The following ZSWIM8 variants were observed in gnomAD, a reference collection of about 807,000 sequenced individuals.
The protein encoded by ZSWIM8 is zinc finger SWIM-type containing 8.
In ZSWIM8, 27 loss-of-function variants were observed where a neutral mutation model predicts 173.7. The ratio of observed to expected loss-of-function variants is 0.16; its 90% CI spans 0.11 to 0.21. The LOEUF is 0.21. Ranked by LOEUF, ZSWIM8 falls within the 10% of genes least tolerant of loss-of-function variation. The probability of loss-of-function intolerance (pLI) is 1.00; values close to 1 mark genes in which losing one functional copy is unlikely to be tolerated. For synonymous variants in ZSWIM8, 958 were observed against 962.0 expected (o/e 1.00, Z 0.08); for missense variants, 1,627 against 2,428.8 (o/e 0.67, Z 6.94).
Position 73,800,797 on chromosome 10 carries a change from C to T in ZSWIM8, c.5122+38C>T, listed in dbSNP as rs569098534. The T allele has an allele frequency of 8.9e-6, 13 of 1,457,020 alleles. No homozygotes were observed. In the Admixed American group the frequency reaches 2.2e-4, roughly 24 times the overall value. 90.3% of individuals were successfully genotyped at this position (1,457,020 alleles called of 1,614,324 possible). On this transcript the variant is annotated intron_variant, in intron 24 of 25. Transcript: ENST00000604729. The surrounding 1 kb of genome is among the most constrained non-coding windows in gnomAD (Gnocchi z 4.1). ...CTCCCTAGGACCATTGCCCCCCCCC[C>T]ACCTGCTCTCCCCACCTTCCTTATC...
chr10:73,794,394 C>A (rs1023813853), intron 13 of ZSWIM8, 64 bp downstream of exon 13: 2 of 1,576,620 alleles, frequency 1.3e-6, no homozygotes, highest in Non-Finnish European at 1.7e-6. Flanking sequence ...CTAAGAAAGA[C>A]CAAGAGCCCC....
At chr10:73,799,757 C>A in intron 21 of ZSWIM8, 2 of 628,102 alleles carry the variant, frequency 3.2e-6, no homozygotes, top group Non-Finnish European at 5.5e-6. Flanking sequence ...ATGGGGAAAC[C>A]CCGTCTCTAC....
rs753772206 is a variant in ZSWIM8, at chr10:73,790,302, A to G, written c.941+10A>G. ...CCCCTGTGGTCTTCAGGTAAATCGG[A>G]TCTCTGCATACCTGTGTCTGTGGTG... On this transcript the variant is annotated intron_variant, in intron 7 of 25. Transcript: ENST00000604729. 1.2e-5 allele frequency: 19 copies of G among 1,597,162 alleles called. No individual in the cohort carries two copies. Among genetic ancestry groups the G allele is most frequent in the Admixed American group, 1.7e-5 (1 of 58,082 alleles).
intron 21 of ZSWIM8, 90 bp from the exon 22 acceptor site, chr10:73,799,918 AAAC>A (rs1589596910): frequency 1.4e-6 from 2 of 1,383,026 alleles, no homozygotes; most frequent in East Asian, 4.6e-5. Context: ...ATCTCAAAAA[AAAC>A]ATGTCAGGAT....
rs1046855998 is a variant in ZSWIM8, at chr10:73,791,649, A to C, written c.1319+150A>C. 1.7e-6 allele frequency: 2 copies of C among 1,172,288 alleles called. No homozygotes were observed. Among genetic ancestry groups the C allele is most frequent in the Non-Finnish European group, 2.3e-6 (2 of 862,152 alleles). The allele number at this position is 1,172,288 out of a possible 1,614,324, so 72.6% of individuals were successfully genotyped here. Reference sequence around the variant, plus strand: ...GCACTGGTGTTAGCAGTGATTTACGAGTCCTTTTTCTGAGAGGCTTTCATC... The same window carrying C: ...GCACTGGTGTTAGCAGTGATTTACGCGTCCTTTTTCTGAGAGGCTTTCATC... On this transcript the variant is annotated intron_variant, in intron 9 of 25. Coordinates refer to ENST00000604729, the MANE Select transcript of ZSWIM8 (RefSeq NM_001367799.1). This position sits in a 1 kb window ranked among gnomAD's most constrained non-coding sequence, Gnocchi z 6.0.
rs201382273 is a variant in ZSWIM8, at chr10:73,800,608, G to A, written c.5003-32G>A. The stretch of plus-strand genomic sequence containing the variant: ...GGGTAAAGGGTGAAGAGGATACACC[G>A]TACCATGTGCCCACCCTTATCTATC... On this transcript the variant is annotated intron_variant, in intron 23 of 25. Transcript: ENST00000604729. This position sits in a 1 kb window ranked among gnomAD's most constrained non-coding sequence, Gnocchi z 4.1. 2.2e-5 allele frequency: 36 copies of A among 1,611,088 alleles called. No individual in the cohort carries two copies. The highest frequency in any genetic ancestry group is 1.8e-4 in the Admixed American group (11 of 59,866).
In ZSWIM8 at chr10:73,792,766, G is replaced by A. The variant is rs761484797; in HGVS notation, c.2227G>A (p.Glu743Lys). The A allele has an allele frequency of 1.1e-5, 18 of 1,612,100 alleles. No homozygotes were observed. The highest frequency in any genetic ancestry group is 1.6e-4 in the Middle Eastern group (1 of 6,082). Residue 743 changes from glutamate (E) to lysine (K), a missense_variant, in exon 10 of 26, where the codon GAG (glutamate) becomes AAG (lysine). Glu to Lys is a moderately conservative substitution (Grantham distance 56). Around this residue, in one of 18 missense-constraint regions of ZSWIM8, gnomAD observed 383 missense variants for 394.8 expected, o/e 0.97. Transcript: ENST00000604729. This position sits in a 1 kb window ranked among gnomAD's most constrained non-coding sequence, Gnocchi z 4.3. ...GAATGCCCAGGATGGGGCTGGGGGC[G>A]AGGAAGAGAAGGCCGAGGGCGGGGC... ...YLNAQDGAGG[E>K]EEKAEGGAGE...
chr10:73,796,696 AAAGG>A lies in ZSWIM8; in HGVS notation c.3034-73_3034-70del, dbSNP rs973505197. ...TGTAGCAATTGGCTGTTTCAAGGAG[AAAGG>A]AAGGTAATAGAAGTCAGGAGCTAAA... On this transcript the variant is annotated intron_variant, in intron 15 of 25. Coordinates refer to ENST00000604729, the MANE Select transcript of ZSWIM8 (RefSeq NM_001367799.1). 24 of 1,563,266 alleles carry A rather than the reference AAAGG, an allele frequency of 1.5e-5. No individual in the cohort carries two copies. The Admixed American group carries it at 3.6e-4, about 23-fold the overall frequency.
At position 73,793,918 on chromosome 10, in the gene ZSWIM8, C is replaced by T; in HGVS notation, c.2499C>T (p.Thr833=). ...GTCAGACCTGGGTGGCTACCAACAC[C>T]CTGAGCAAGGCGGCCTTCCTGTTGA... ...TSRQTWVATN[T]LSKAAFLLTV... is the part of the protein sequence containing the mutation. The change falls in exon 12 of 26, where the codon ACC becomes ACT. Residue 833 remains threonine, a synonymous_variant. Coordinates refer to ENST00000604729, the MANE Select transcript of ZSWIM8 (RefSeq NM_001367799.1). The T allele has an allele frequency of 6.2e-7, 1 of 1,613,486 alleles. No homozygotes were observed. The highest frequency in any genetic ancestry group is 8.5e-7 in the Non-Finnish European group (1 of 1,179,768).
chr10:73,795,612 G>C lies in ZSWIM8; in HGVS notation c.2982G>C (p.Leu994=). 2.5e-6 allele frequency: 4 copies of C among 1,613,854 alleles called. No individual in the cohort carries two copies. In the South Asian group the frequency reaches 3.3e-5, roughly 13 times the overall value. ...CEGTRREKGD[L]ALALMITYKD... is the part of the protein sequence containing the mutation. ...GCACACGTCGGGAGAAGGGTGACCT[G>C]GCATTAGCACTAATGATCACTTACA... Residue 994 remains leucine (L), a synonymous_variant, in exon 15 of 26, where the codon CTG becomes CTC. Coordinates refer to ENST00000604729, the MANE Select transcript of ZSWIM8 (RefSeq NM_001367799.1).
Position 73,800,891 on chromosome 10 carries a change from C to A in ZSWIM8, c.5123-126C>A. On this transcript the variant is annotated intron_variant, in intron 24 of 25. Coordinates refer to ENST00000604729, the MANE Select transcript of ZSWIM8 (RefSeq NM_001367799.1). The surrounding 1 kb of genome is among the most constrained non-coding windows in gnomAD (Gnocchi z 4.1). The stretch of plus-strand genomic sequence containing the variant: ...CGGGTATGTGTGCGTGCGCGGGGGG[C>A]GGAGGGTTACCTCAGCTCCTGGGGT... The A allele has an allele frequency of 8.3e-7, 1 of 1,207,248 alleles. No individual in the cohort carries two copies. Among genetic ancestry groups the A allele is most frequent in the Non-Finnish European group, 1.2e-6 (1 of 862,202 alleles). 74.8% of individuals were successfully genotyped at this position (1,207,248 alleles called of 1,614,324 possible).
intron 1 of ZSWIM8, among the ~76,000 whole-genome samples, chr10:73,786,856 C>A (rs2083245031): frequency 6.6e-6 from 1 of 152,120 alleles, no homozygotes. Flanking sequence ...TGATTCTACT[C>A]AGGCCTTTCC....
intron 21 of ZSWIM8, chr10:73,799,774 T>A (rs2083841178): frequency 1.6e-6 from 1 of 627,784 alleles, no homozygotes; most frequent in Non-Finnish European, 2.7e-6. Flanking sequence ...CTACTAAAAA[T>A]TAGCTGAGTG....
In ZSWIM8 at chr10:73,800,847, TCA is replaced by T; in HGVS notation, c.5122+89_5122+90del. The T allele has an allele frequency of 8.2e-7, 1 of 1,217,052 alleles. No homozygotes were observed. Among genetic ancestry groups the T allele is most frequent in the Non-Finnish European group, 1.2e-6 (1 of 866,344 alleles). 75.4% of individuals were successfully genotyped at this position (1,217,052 alleles called of 1,614,324 possible). A position where few individuals can be genotyped will look rare whatever the true frequency, so the allele number is the denominator to read the frequency against. ...CCCAGACCTCCTTCCTAGCTCTTGC[TCA>T]GAGTTGAGGCCTTGGTCGGGTATGT... On this transcript the variant is annotated intron_variant, in intron 24 of 25. Transcript: ENST00000604729. This position sits in a 1 kb window ranked among gnomAD's most constrained non-coding sequence, Gnocchi z 4.1.
chr10:73,790,961 C>T lies in ZSWIM8; in HGVS notation c.942-14C>T. 2 of 1,601,292 alleles carry T rather than the reference C, an allele frequency of 1.2e-6. No homozygotes were observed. The highest frequency in any genetic ancestry group is 2.2e-5 in the South Asian group (2 of 90,660). On this transcript the variant is annotated splice_polypyrimidine_tract_variant and intron_variant, in intron 7 of 25. Transcript: ENST00000604729. ...GTCTTACTGTCATGGTTTTCTGTTCCTCTGCTTTTACAGTGATGTGAACTC... is the reference window on the plus strand; with the variant it reads ...GTCTTACTGTCATGGTTTTCTGTTCTTCTGCTTTTACAGTGATGTGAACTC...
chr10:73,798,548 T>C, intron 20 of ZSWIM8, 95 bp downstream of exon 20: 7 of 1,146,202 alleles, frequency 6.1e-6, no homozygotes, highest in Non-Finnish European at 8.6e-6. Context: ...GATTCCCGTA[T>C]CCTGGAGTTT....
rs148636613 is a variant in ZSWIM8, at chr10:73,800,912, G to T, written c.5123-105G>T. 7.7e-7 allele frequency: 1 copy of T among 1,299,330 alleles called. No individual in the cohort carries two copies. 80.5% of individuals were successfully genotyped at this position (1,299,330 alleles called of 1,614,324 possible). A position where few individuals can be genotyped will look rare whatever the true frequency, so the allele number is the denominator to read the frequency against. ...GGGGCGGAGGGTTACCTCAGCTCCT[G>T]GGGTGGAGGGAGGCTCTCTGCCAGG... On this transcript the variant is annotated intron_variant, in intron 24 of 25. Transcript: ENST00000604729. This position sits in a 1 kb window ranked among gnomAD's most constrained non-coding sequence, Gnocchi z 4.1.
In ZSWIM8 at chr10:73,789,862, G is replaced by T. The variant is rs527798151; in HGVS notation, c.738+38G>T. Reference sequence around the variant, plus strand: ...GGCACCCCCTCCTGCAATTAGCTCCGGGCCAGGCCGCATAACAGCCTTCCT... The same window carrying T: ...GGCACCCCCTCCTGCAATTAGCTCCTGGCCAGGCCGCATAACAGCCTTCCT... On this transcript the variant is annotated intron_variant, in intron 5 of 25. Coordinates refer to ENST00000604729, the MANE Select transcript of ZSWIM8 (RefSeq NM_001367799.1). This position sits in a 1 kb window ranked among gnomAD's most constrained non-coding sequence, Gnocchi z 6.8. 1.1e-4 allele frequency: 167 copies of T among 1,583,390 alleles called. 6 individuals are homozygous for T. In the South Asian group the frequency reaches 1.9e-3, roughly 18 times the overall value.
rs1240652686 is a variant in ZSWIM8 at position 73,789,244 on chromosome 10, T to G, written c.457+54T>G. ...ATCCTGCTCCTCCCATCCCCTGGCT[T>G]ATGAAGTAAGAACACACCGCAAGAA... is the stretch of plus-strand genomic sequence containing the variant. On this transcript the variant is annotated intron_variant, in intron 3 of 25. Transcript: ENST00000604729. The surrounding 1 kb of genome is among the most constrained non-coding windows in gnomAD (Gnocchi z 6.8). 4.3e-6 allele frequency: 7 copies of G among 1,611,040 alleles called. No homozygotes were observed. The East Asian group carries it at 8.9e-5, about 21-fold the overall frequency.
Sources: gnomAD v4.1 joint callset for allele counts (sites outside exome capture counted in the v4.1 genomes callset) on GRCh38, gnomAD v4.1.1 for gene constraint, gnomAD v4.1.1 regional missense constraint, Gnocchi (gnomAD v3.1) non-coding constraint, MANE v1.5 for transcripts, NCBI Gene and HGNC (gene_info 2026-07-23, HGNC 2026-07-21) for gene names.